Variants in NKAIN2 observed in about 807,000 individuals in gnomAD.
The protein encoded by NKAIN2 is sodium/potassium transporting ATPase interacting 2, also known as sodium/potassium-transporting ATPase subunit beta-1-interacting protein 2.
Under a neutral mutation model 32.6 loss-of-function variants are expected in NKAIN2, and 14 were observed. The ratio of observed to expected loss-of-function variants is 0.43; its 90% CI spans 0.28 to 0.67. The LOEUF is 0.67. Ranked by LOEUF, NKAIN2 falls within the 30% of genes least tolerant of loss-of-function variation. NKAIN2 has a pLI of 0.17. For missense variants in NKAIN2, 198 were observed against 258.3 expected, an observed-to-expected ratio of 0.77 and a Z score of 1.60; for synonymous variants, 80 against 87.2, an observed-to-expected ratio of 0.92 and a Z score of 0.46.
chr6:124,039,528 A>G (rs751832676), intron 1 of NKAIN2, among the ~76,000 whole-genome samples: 8 of 151,936 alleles, frequency 5.3e-5, no homozygotes, highest in Non-Finnish European at 8.8e-5. Flanking sequence ...TTGAGTTGCT[A>G]TCATTAATTG....
chr6:124,476,075 T>A lies in NKAIN2; in HGVS notation c.273+120728T>A, dbSNP rs1011818694. Among the ~76,000 whole-genome samples, 24 of 144,354 alleles carry A rather than the reference T, an allele frequency of 1.7e-4. No homozygotes were observed. In the East Asian group the frequency reaches 2.2e-3, roughly 13 times the overall value. The allele number at this position is 144,354 out of a possible 152,430, so 94.7% of individuals were successfully genotyped here. ...GAGAGAGAGAGAGAGAGTGTGTGTG[T>A]GTGTGTGTGTGTGTGTGTGTGTGCG... is the stretch of plus-strand genomic sequence containing the variant. On this transcript the variant is annotated intron_variant, in intron 3 of 6. Coordinates refer to ENST00000368417, the MANE Select transcript of NKAIN2 (RefSeq NM_001040214.3).
At chr6:124,093,532 T>C (rs905871631) in intron 1 of NKAIN2, among the ~76,000 whole-genome samples, 4 of 152,126 alleles carry the variant, frequency 2.6e-5, no homozygotes, top group African/African-American at 4.8e-5. Context: ...ATTATTAACA[T>C]GTTCAAAGAC....
rs1487830990 is a variant in NKAIN2, at chr6:123,911,810, TATACACAC to T, written c.54+107558_54+107565del. ...ATATATATATATATATGTATATATA[TATACACAC>T]ACACACACACACACACACACACACA... On this transcript the variant is annotated intron_variant, in intron 1 of 6. Transcript: ENST00000368417. 5.6e-4 allele frequency among the ~76,000 whole-genome samples: 53 copies of T among 94,292 alleles called. 3 individuals are homozygous for T. Among genetic ancestry groups the T allele is most frequent in the African/African-American group, 2.5e-3 (44 of 17,750 alleles). The allele number at this position is 94,292 out of a possible 152,430, so 61.9% of individuals were successfully genotyped here. A position where few individuals can be genotyped will look rare whatever the true frequency, so the allele number is the denominator to read the frequency against.
At chr6:124,079,069 C>T (rs1783831103) in intron 1 of NKAIN2, among the ~76,000 whole-genome samples, 1 of 152,042 alleles carries the variant, frequency 6.6e-6, no homozygotes, top group African/African-American at 2.4e-5. Context: ...TGCCTGTAAT[C>T]CCAGCACTTT....
At chr6:124,703,531 T>G (rs951435318) in intron 4 of NKAIN2, among the ~76,000 whole-genome samples, 2 of 152,030 alleles carry the variant, frequency 1.3e-5, no homozygotes, top group African/African-American at 4.8e-5. Flanking sequence ...AACTGTACTT[T>G]TTAGTCTGTG....
intron 1 of NKAIN2, among the ~76,000 whole-genome samples, chr6:124,216,673 G>A (rs531004087): frequency 1.7e-4 from 26 of 152,232 alleles, no homozygotes; most frequent in Middle Eastern, 3.4e-3. Flanking sequence ...GAAAATGTGG[G>A]CACTAAATAA....
intron 2 of NKAIN2, among the ~76,000 whole-genome samples, chr6:124,319,787 T>C (rs1258369083): frequency 6.6e-6 from 1 of 152,148 alleles, no homozygotes; most frequent in African/African-American, 2.4e-5. Flanking sequence ...AATTCATTTT[T>C]ATTCTGCCCT....
chr6:124,756,359 TTTTG>T (rs544951888), intron 4 of NKAIN2, among the ~76,000 whole-genome samples: 17 of 152,212 alleles, frequency 1.1e-4, no homozygotes, highest in African/African-American at 2.6e-4. Context: ...CCCATTTCGT[TTTTG>T]TTTGTTTGTT....
At chr6:124,001,807 A>G (rs1021885778) in intron 1 of NKAIN2, among the ~76,000 whole-genome samples, 6 of 62,028 alleles carry the variant, frequency 9.7e-5, no homozygotes, top group African/African-American at 1.9e-4. Context: ...CTAAATATAT[A>G]TATATATATA....
intron 3 of NKAIN2, among the ~76,000 whole-genome samples, chr6:124,644,344 T>C (rs1434310885): frequency 6.6e-6 from 1 of 152,150 alleles, no homozygotes; most frequent in Non-Finnish European, 1.5e-5. Context: ...TTTTTCATGT[T>C]TTTCCTATGA....
chr6:124,211,501 G>A lies in NKAIN2; in HGVS notation c.55-71504G>A, dbSNP rs564800577. On this transcript the variant is annotated intron_variant, in intron 1 of 6. Transcript: ENST00000368417. ...TACTTTCACAAAATTGAGTTTGACAGTAGAGAGAAGAAGAGATTATTTAAA... is the reference window on the plus strand; with the variant it reads ...TACTTTCACAAAATTGAGTTTGACAATAGAGAGAAGAAGAGATTATTTAAA... Among the ~76,000 whole-genome samples, 27 of 152,004 alleles carry A rather than the reference G, an allele frequency of 1.8e-4. No individual in the cohort carries two copies. In the South Asian group the frequency reaches 5.4e-3, roughly 30 times the overall value.
intron 3 of NKAIN2, among the ~76,000 whole-genome samples, chr6:124,633,312 G>A (rs1783644664): frequency 6.6e-6 from 1 of 152,126 alleles, no homozygotes; most frequent in Admixed American, 6.5e-5. Context: ...ACTAGGTAAT[G>A]AATACATAAA....
At chr6:124,130,892 G>T (rs1247755477) in intron 1 of NKAIN2, among the ~76,000 whole-genome samples, 1 of 152,094 alleles carries the variant, frequency 6.6e-6, no homozygotes, top group African/African-American at 2.4e-5. Flanking sequence ...AATTCCCATG[G>T]TAGCAAAACA....
At chr6:123,888,330 C>G (rs139961018) in intron 1 of NKAIN2, among the ~76,000 whole-genome samples, 1 of 151,976 alleles carries the variant, frequency 6.6e-6, no homozygotes, top group Non-Finnish European at 1.5e-5. Context: ...TCAAACACAC[C>G]CTTCACTTTC....
At chr6:124,725,480 A>G (rs1390148071) in intron 4 of NKAIN2, among the ~76,000 whole-genome samples, 1 of 152,136 alleles carries the variant, frequency 6.6e-6, no homozygotes, top group Non-Finnish European at 1.5e-5. Context: ...TTCTATTTTT[A>G]AAACTAAAGA....
rs1786945164 is a variant in NKAIN2, at chr6:124,138,437, T to TACAG, written c.55-144568_55-144567insACAG. The stretch of plus-strand genomic sequence containing the variant: ...CTATGGAAAACAGTATGGAAATTTT[T>TACAG]TAAAGAACTAAAAGTAGAACTACCA... On this transcript the variant is annotated intron_variant, in intron 1 of 6. Transcript: ENST00000368417. Among the ~76,000 whole-genome samples, 3 of 152,152 alleles carry TACAG rather than the reference T, an allele frequency of 2.0e-5. No homozygotes were observed. In the South Asian group the frequency reaches 6.2e-4, roughly 32 times the overall value.
intron 1 of NKAIN2, among the ~76,000 whole-genome samples, chr6:124,145,636 G>A (rs1787362307): frequency 6.6e-6 from 1 of 152,040 alleles, no homozygotes; most frequent in South Asian, 2.1e-4. Flanking sequence ...CTCCCGAGTA[G>A]CTTGGACTAC....
At chr6:124,278,652 TATATATATATA>T (rs1795150307) in intron 1 of NKAIN2, among the ~76,000 whole-genome samples, 1 of 48,808 alleles carries the variant, frequency 2.0e-5, no homozygotes, top group African/African-American at 1.2e-4. Flanking sequence ...ACATAGCTCA[TATATATATATA>T]TATATATATA....
chr6:123,871,300 C>G (rs1384565944), intron 1 of NKAIN2, among the ~76,000 whole-genome samples: 1 of 152,086 alleles, frequency 6.6e-6, no homozygotes, highest in Non-Finnish European at 1.5e-5. Flanking sequence ...TATTTGTTCA[C>G]CACTTCATCC....
Sources: allele counts gnomAD v4.1 joint callset (sites outside exome capture counted in the v4.1 genomes callset), GRCh38; gene constraint gnomAD v4.1.1; transcripts MANE v1.5; gene names NCBI Gene and HGNC (gene_info 2026-07-23, HGNC 2026-07-21).